Variants in FXYD7 observed in about 807,000 individuals in gnomAD.
FXYD7 encodes the protein FXYD domain containing ion transport regulator 7.
A neutral mutation model predicts 15.3 loss-of-function variants in FXYD7; 7 were observed. The ratio of observed to expected loss-of-function variants is 0.46; its 90% CI spans 0.26 to 0.86. FXYD7 has a LOEUF of 0.86. Ranked by LOEUF, FXYD7 falls within the 40% of genes least tolerant of loss-of-function variation. The pLI, the probability that FXYD7 is intolerant of heterozygous loss-of-function variation, is 0.16. For missense variants in FXYD7, 78 were observed against 100.6 expected, an observed-to-expected ratio of 0.78 and a Z score of 0.96; for synonymous variants, 39 against 39.3, an observed-to-expected ratio of 0.99 and a Z score of 0.03.
chr19:35,151,732 C>A, intron 5 of FXYD7, 59 bp downstream of exon 5: 1 of 1,287,378 alleles, frequency 7.8e-7, no homozygotes. Context: ...GGAAGGGAAC[C>A]CTCAGAAGGG....
rs186813940 is a variant in FXYD7 at position 35,150,253 on chromosome 19, T to A, written c.62-1001T>A. ...CTACATAAAAAATTTAAAAATTAGC[T>A]GGGCATGGTGGTGTGTGCCTGTAGT... On this transcript the variant is annotated intron_variant, in intron 2 of 5. Coordinates refer to ENST00000270310, the MANE Select transcript of FXYD7 (RefSeq NM_022006.2). Among the ~76,000 whole-genome samples, 237 of 152,180 alleles carry A rather than the reference T, an allele frequency of 1.6e-3. 1 individual carries two copies. Among genetic ancestry groups the A allele is most frequent in the African/African-American group, 5.6e-3 (232 of 41,534 alleles).
chr19:35,149,966 G>C (rs1042819736), intron 2 of FXYD7, among the ~76,000 whole-genome samples: 1 of 152,018 alleles, frequency 6.6e-6, no homozygotes, highest in African/African-American at 2.4e-5. Flanking sequence ...GCTCAGGCTG[G>C]AGTGCAGTAG....
At chr19:35,148,663 C>A in intron 1 of FXYD7, 31 bp from the exon 2 acceptor site, 2 of 1,494,684 alleles carry the variant, frequency 1.3e-6, no homozygotes, top group South Asian at 1.3e-5. Context: ...TTTTTTTTTT[C>A]TTTCTCTTTT....
chr19:35,148,794 T>C (rs1352689833), intron 2 of FXYD7, 71 bp downstream of exon 2: 1 of 1,342,614 alleles, frequency 7.4e-7, no homozygotes, highest in Non-Finnish European at 1.1e-6. Context: ...ACTCCGGACA[T>C]GGCTTCAGCT....
chr19:35,149,225 G>A (rs560402351), intron 2 of FXYD7: 1 of 354,370 alleles, frequency 2.8e-6, no homozygotes, highest in Admixed American at 3.6e-5. Context: ...AGGCCTGGTA[G>A]ATCGGGCTCC....
intron 5 of FXYD7, among the ~76,000 whole-genome samples, chr19:35,152,757 T>C (rs1202118151): frequency 6.6e-6 from 1 of 150,918 alleles, no homozygotes; most frequent in Non-Finnish European, 1.5e-5. Context: ...GCATGGAAAG[T>C]GTAAAGGGAG....
rs2065326847 is a variant in FXYD7, at chr19:35,153,875, GCAC to G, written c.221-17_221-15del. On this transcript the variant is annotated splice_polypyrimidine_tract_variant and intron_variant, in intron 5 of 5. Transcript: ENST00000270310. ...AGTTTCCACCTTTCTAGTGGCTCAC[GCAC>G]CCCCTCTCTCCCCAGCCCCTGGTGG... is the stretch of plus-strand genomic sequence containing the variant. 2 of 1,611,828 alleles carry G rather than the reference GCAC, an allele frequency of 1.2e-6. No homozygotes were observed. The highest frequency in any genetic ancestry group is 2.7e-5 in the African/African-American group (2 of 74,814).
At chr19:35,149,202 A>G (rs774279869) in intron 2 of FXYD7, 30 of 369,604 alleles carry the variant, frequency 8.1e-5, no homozygotes, top group Non-Finnish European at 1.4e-4. Flanking sequence ...CTGAAGCTCA[A>G]ATAAGCTACC....
intron 1 of FXYD7, among the ~76,000 whole-genome samples, chr19:35,145,996 C>T (rs986904099): frequency 5.9e-5 from 9 of 152,048 alleles, no homozygotes; most frequent in African/African-American, 1.9e-4. Flanking sequence ...AGCCTGGTCT[C>T]AAACTTCTGG....
In FXYD7 at chr19:35,151,324, C is replaced by A; in HGVS notation, c.132C>A (p.Val44=). 6.2e-7 allele frequency: 1 copy of A among 1,605,682 alleles called. No individual in the cohort carries two copies. Among genetic ancestry groups the A allele is most frequent in the Non-Finnish European group, 8.5e-7 (1 of 1,172,276 alleles). The change falls in exon 3 of 6, where the codon GTC becomes GTA. Residue 44 remains valine (V), a synonymous_variant. Coordinates refer to ENST00000270310, the MANE Select transcript of FXYD7 (RefSeq NM_022006.2). ...TGTTCCTGCTGGGTATCCTCATCGTCATCAGTAAGTGCGACCCATTCCTGG... is the reference window on the plus strand; with the variant it reads ...TGTTCCTGCTGGGTATCCTCATCGTAATCAGTAAGTGCGACCCATTCCTGG... The part of the protein sequence containing the change: ...TILFLLGILI[V]ISKKVKCRKA...
In FXYD7 at chr19:35,143,541, G is replaced by A. The variant is rs550240507; in HGVS notation, c.31+177G>A. Among the ~76,000 whole-genome samples the A allele has an allele frequency of 2.6e-4, 39 of 152,350 alleles. No homozygotes were observed. Among genetic ancestry groups the A allele is most frequent in the African/African-American group, 8.9e-4 (37 of 41,582 alleles). ...CCCCCGATCGCCCCTCCGGGTCTCT[G>A]GGACACCCCCTCCCCGGCAGGCGTC... On this transcript the variant is annotated intron_variant, in intron 1 of 5. Transcript: ENST00000270310. The surrounding 1 kb of genome is among the most constrained non-coding windows in gnomAD (Gnocchi z 4.3).
In FXYD7 at chr19:35,143,513, G is replaced by T. The variant is rs886666139; in HGVS notation, c.31+149G>T. On this transcript the variant is annotated intron_variant, in intron 1 of 5. Coordinates refer to ENST00000270310, the MANE Select transcript of FXYD7 (RefSeq NM_022006.2). This position sits in a 1 kb window ranked among gnomAD's most constrained non-coding sequence, Gnocchi z 4.3. ...CTGTGGGCGGAAGCCCCTGTAATGC[G>T]CCCCCCCGATCGCCCCTCCGGGTCT... 3.2e-6 allele frequency: 2 copies of T among 629,068 alleles called. No individual in the cohort carries two copies. The highest frequency in any genetic ancestry group is 2.0e-5 in the African/African-American group (1 of 51,172). 39.0% of individuals were successfully genotyped at this position (629,068 alleles called of 1,614,324 possible). A position where few individuals can be genotyped will look rare whatever the true frequency, so the allele number is the denominator to read the frequency against.
chr19:35,150,065 C>T (rs2065304181), intron 2 of FXYD7, among the ~76,000 whole-genome samples: 1 of 152,138 alleles, frequency 6.6e-6, no homozygotes, highest in Non-Finnish European at 1.5e-5. Context: ...TACAGGCCCA[C>T]ACCACTGCAC....
intron 2 of FXYD7, chr19:35,149,791 T>C (rs1223159694): frequency 6.6e-6 from 1 of 152,264 alleles, no homozygotes; most frequent in Non-Finnish European, 1.5e-5. Flanking sequence ...ATGAAAATTA[T>C]ATATTAGACA....
At chr19:35,148,998 AC>A (rs2065300450) in intron 2 of FXYD7, 2 of 603,136 alleles carry the variant, frequency 3.3e-6, no homozygotes, top group East Asian at 7.0e-5. Flanking sequence ...ATGAAGGAAA[AC>A]CTTAGAAGCA....
In FXYD7 at chr19:35,152,315, A is replaced by G. The variant is rs1304059571; in HGVS notation, c.220+642A>G. Among the ~76,000 whole-genome samples, 5 of 151,970 alleles carry G rather than the reference A, an allele frequency of 3.3e-5. 1 individual carries two copies. The South Asian group carries it at 8.3e-4, about 25-fold the overall frequency. Reference sequence around the variant, plus strand: ...AAAAGCCAGGACAAGCTGATTTGCCAGGAGAGGAAGACACAGGCCTGTGAA... The same window carrying G: ...AAAAGCCAGGACAAGCTGATTTGCCGGGAGAGGAAGACACAGGCCTGTGAA... On this transcript the variant is annotated intron_variant, in intron 5 of 5. Transcript: ENST00000270310.
In FXYD7 at chr19:35,151,422, G is replaced by C; in HGVS notation, c.137-18G>C. On this transcript the variant is annotated intron_variant, in intron 3 of 5. Coordinates refer to ENST00000270310, the MANE Select transcript of FXYD7 (RefSeq NM_022006.2). The stretch of plus-strand genomic sequence containing the variant: ...CCGCTATGTCCTGTCTTCTTGTTCT[G>C]TCTCTCTCTCCCAACAGGCAAGAAG... 6.2e-7 allele frequency: 1 copy of C among 1,613,422 alleles called. No homozygotes were observed. The highest frequency in any genetic ancestry group is 8.5e-7 in the Non-Finnish European group (1 of 1,179,414).
chr19:35,149,179 C>A (rs2065301093), intron 2 of FXYD7: 2 of 387,894 alleles, frequency 5.2e-6, no homozygotes, highest in South Asian at 1.9e-5. Flanking sequence ...GGCATTAAAT[C>A]TCCTCCATGG....
chr19:35,146,553 C>A (rs752061186), intron 1 of FXYD7, among the ~76,000 whole-genome samples: 5 of 152,200 alleles, frequency 3.3e-5, no homozygotes, highest in African/African-American at 1.2e-4. Context: ...ATGAAGATCG[C>A]ACCCATATGA....
Sources: gnomAD v4.1 joint callset for allele counts (sites outside exome capture counted in the v4.1 genomes callset) on GRCh38, gnomAD v4.1.1 for gene constraint, Gnocchi (gnomAD v3.1) non-coding constraint, MANE v1.5 for transcripts, NCBI Gene and HGNC (gene_info 2026-07-23, HGNC 2026-07-21) for gene names.